DOK3: variants seen among roughly 807,000 people sequenced by gnomAD.
DOK3 encodes the protein Dok-like protein.
Under a neutral mutation model 26.2 loss-of-function variants are expected in DOK3, and 23 were observed. The observed-to-expected ratio is 0.88, with a 90% CI of 0.63 to 1.24. DOK3 has a LOEUF of 1.24. DOK3 is among the 50% of genes most tolerant of loss of function. DOK3 has a pLI of 0.00. For missense variants in DOK3, 619 were observed against 610.6 expected (o/e 1.01, Z -0.15); for synonymous variants, 268 against 268.2 (o/e 1.00, Z 0.01).
rs1400207488 is a variant in DOK3, at chr5:177,503,359, TGAG to T, written c.*621_*623del. On this transcript the variant is annotated 3_prime_UTR_variant, in exon 6 of 6. Coordinates refer to ENST00000510898, the MANE Select transcript of DOK3 (RefSeq NM_001308236.3). ...TCATCGGTTCTCTCTCCTTTACAGATGAGGAGACTGACGCCTGGGGTTCCCAGA... is the reference window on the plus strand; with the variant it reads ...TCATCGGTTCTCTCTCCTTTACAGATGAGACTGACGCCTGGGGTTCCCAGA... The T allele has an allele frequency of 1.5e-5, 23 of 1,544,168 alleles. No homozygotes were observed. Among genetic ancestry groups the T allele is most frequent in the Admixed American group, 2.0e-5 (1 of 50,844 alleles).
At chr5:177,508,165 A>T in intron 3 of DOK3, 72 bp downstream of exon 3, 3 of 1,402,164 alleles carry the variant, frequency 2.1e-6, no homozygotes, top group Non-Finnish European at 2.8e-6. Flanking sequence ...GGGTGATGGG[A>T]TGTGAGCGTG....
upstream of DOK3, chr5:177,510,250 GC>G: frequency 3.5e-6 from 1 of 285,890 alleles, no homozygotes. Context: ...CCCCTCCAGG[GC>G]CCCCTCACCA....
Position 177,503,758 on chromosome 5 carries a change from G to A in DOK3, c.*225C>T, listed in dbSNP as rs1759618312. On this transcript the variant is annotated 3_prime_UTR_variant, in exon 6 of 6. Coordinates refer to ENST00000510898, the MANE Select transcript of DOK3 (RefSeq NM_001308236.3). ...ACGTGGGCAGGGGCGTGTGCCGTGA[G>A]TGCCCCTGCCGGGAGCTGCTCTGAG... is the stretch of plus-strand genomic sequence containing the variant. 5.6e-6 allele frequency: 8 copies of A among 1,417,878 alleles called. No individual in the cohort carries two copies. The highest frequency in any genetic ancestry group is 1.4e-5 in the African/African-American group (1 of 69,360). 87.8% of individuals were successfully genotyped at this position (1,417,878 alleles called of 1,614,324 possible). A position where few individuals can be genotyped will look rare whatever the true frequency, so the allele number is the denominator to read the frequency against.
At position 177,503,040 on chromosome 5, in the gene DOK3, G is replaced by C; in HGVS notation, c.*943C>G. On this transcript the variant is annotated 3_prime_UTR_variant, in exon 6 of 6. Coordinates refer to ENST00000510898, the MANE Select transcript of DOK3 (RefSeq NM_001308236.3). ...AAAATTGTGTGTCCGTCATGAAAAT[G>C]AGGTTCAGGATGTGCCAAGGGTGTG... is the stretch of plus-strand genomic sequence containing the variant. 2 of 1,514,330 alleles carry C rather than the reference G, an allele frequency of 1.3e-6. No homozygotes were observed. Among genetic ancestry groups the C allele is most frequent in the South Asian group, 1.3e-5 (1 of 79,946 alleles). 93.8% of individuals were successfully genotyped at this position (1,514,330 alleles called of 1,614,324 possible). A position where few individuals can be genotyped will look rare whatever the true frequency, so the allele number is the denominator to read the frequency against.
chr5:177,505,247 G>T, intron 3 of DOK3, 137 bp from the exon 4 acceptor site: 1 of 764,568 alleles, frequency 1.3e-6, no homozygotes. Context: ...CCGGCTCGCT[G>T]CATAAGCCTA....
Position 177,504,902 on chromosome 5 carries a change from G to A in DOK3, c.486C>T (p.Pro162=), listed in dbSNP as rs778593028. The A allele has an allele frequency of 1.8e-5, 28 of 1,588,934 alleles. No individual in the cohort carries two copies. The highest frequency in any genetic ancestry group is 6.9e-5 in the Admixed American group (4 of 57,644). ...CGGCCTCAGTCCTCTGCACCACCAC[G>A]GGAAACTCGCCCACTGTGGCAGGTG... ...YSSWQEVGEF[P]VVVQRTEAAT... The change falls in exon 5 of 6, where the codon CCC becomes CCT. Residue 162 remains proline, a synonymous_variant. Coordinates refer to ENST00000510898, the MANE Select transcript of DOK3 (RefSeq NM_001308236.3).
rs904705324 is a variant in DOK3, at chr5:177,504,560, C to G, written c.746G>C (p.Gly249Ala). Residue 249 changes from glycine to alanine, a missense_variant, in exon 6 of 6, where the codon GGG becomes GCG. Physicochemically the swap from Gly to Ala is moderately conservative, Grantham distance 60. Transcript: ENST00000510898. ...CAPDLCRAVA[G>A]AIARQRERLP... ...CCGCTCCCGCTGGCGGGCGATGGCC[C>G]CGGCCACAGCCCTGCACAGGTCAGG... 6.3e-7 allele frequency: 1 copy of G among 1,597,388 alleles called. No individual in the cohort carries two copies. Among genetic ancestry groups the G allele is most frequent in the African/African-American group, 1.3e-5 (1 of 74,738 alleles).
Position 177,503,408 on chromosome 5 carries a change from G to A in DOK3, c.*575C>T, listed in dbSNP as rs982799388. 11 of 1,529,174 alleles carry A rather than the reference G, an allele frequency of 7.2e-6. No individual in the cohort carries two copies. The highest frequency in any genetic ancestry group is 9.7e-6 in the Non-Finnish European group (11 of 1,130,338). The allele number at this position is 1,529,174 out of a possible 1,614,324, so 94.7% of individuals were successfully genotyped here. ...CCAGAAGTATCTGCAAATTGTTGGA[G>A]TTTCAGCAGGGAACAAGTGTTTTGG... On this transcript the variant is annotated 3_prime_UTR_variant, in exon 6 of 6. Transcript: ENST00000510898.
chr5:177,504,318 T>C lies in DOK3; in HGVS notation c.988A>G (p.Lys330Glu). 1 of 1,604,112 alleles carries C rather than the reference T, an allele frequency of 6.2e-7. No individual in the cohort carries two copies. Among genetic ancestry groups the C allele is most frequent in the South Asian group, 1.1e-5 (1 of 89,824 alleles). Reference protein sequence around the residue: ...LASGLYASVCKRASGPPGNEH... With the variant: ...LASGLYASVCERASGPPGNEH... ...TTGCCTGGGGGCCCACTGGCACGCT[T>C]GCACACTGAAGCGTAGAGCCCGGAC... Residue 330 changes from lysine to glutamate, a missense_variant, in exon 6 of 6, where the codon AAG becomes GAG. Transcript: ENST00000510898.
rs372299396 is a variant in DOK3 at position 177,509,609 on chromosome 5, C to T, written c.-69G>A. On this transcript the variant is annotated 5_prime_UTR_variant, in exon 2 of 6. Coordinates refer to ENST00000510898, the MANE Select transcript of DOK3 (RefSeq NM_001308236.3). ...ACTGATGACAGGCTGGACGGGAACT[C>T]CTCACACTTCCCCTTCTGGCCACTT... 6 of 1,598,798 alleles carry T rather than the reference C, an allele frequency of 3.8e-6. No homozygotes were observed. Among genetic ancestry groups the T allele is most frequent in the Non-Finnish European group, 4.3e-6 (5 of 1,171,690 alleles).
At chr5:177,505,791 C>CAGT (rs1268230395) in intron 3 of DOK3, among the ~76,000 whole-genome samples, 2 of 151,796 alleles carry the variant, frequency 1.3e-5, no homozygotes, top group Non-Finnish European at 2.9e-5. Flanking sequence ...GGCTGGAGTG[C>CAGT]AGTGGCGCGA....
chr5:177,509,735 C>T, intron 1 of DOK3, 23 bp downstream of exon 1: 1 of 1,611,558 alleles, frequency 6.2e-7, no homozygotes. Flanking sequence ...GGGGTTCTGG[C>T]TGCCCAAGGT....
chr5:177,510,022 A>G (rs893014244), upstream of DOK3: 7 of 854,144 alleles, frequency 8.2e-6, no homozygotes, highest in African/African-American at 1.2e-4. Flanking sequence ...TCTCCCTGAA[A>G]TCTCTCTCGT....
At chr5:177,508,572 C>G in intron 2 of DOK3, 30 bp from the exon 3 acceptor site, 1 of 1,485,602 alleles carries the variant, frequency 6.7e-7, no homozygotes, top group Non-Finnish European at 9.0e-7. Context: ...GGGTGAAGAC[C>G]CTTGGGTGGC....
Position 177,502,901 on chromosome 5 carries a change from G to C in DOK3, c.*1082C>G. 2 of 692,606 alleles carry C rather than the reference G, an allele frequency of 2.9e-6. No individual in the cohort carries two copies. The highest frequency in any genetic ancestry group is 4.8e-6 in the Non-Finnish European group (2 of 419,948). 42.9% of individuals were successfully genotyped at this position (692,606 alleles called of 1,614,324 possible). A position where few individuals can be genotyped will look rare whatever the true frequency, so the allele number is the denominator to read the frequency against. On this transcript the variant is annotated 3_prime_UTR_variant, in exon 6 of 6. Transcript: ENST00000510898. The stretch of plus-strand genomic sequence containing the variant: ...GGTGGGCAGAGGCCTCGAAGAGCCA[G>C]AAAAGGGTCCCTGCAGGTCGACATG...
At chr5:177,509,205 C>T (rs1246451244) in intron 2 of DOK3, 4 of 424,080 alleles carry the variant, frequency 9.4e-6, no homozygotes, top group African/African-American at 4.2e-5. Flanking sequence ...GAAGCTCTTC[C>T]CTGCTGGGAG....
chr5:177,504,834 C>T lies in DOK3; in HGVS notation c.554G>A (p.Gly185Asp), dbSNP rs751788093. The change falls in exon 5 of 6, where the codon GGC becomes GAC. Residue 185 changes from glycine to aspartate, a missense_variant. Transcript: ENST00000510898. Reference sequence around the variant, plus strand: ...CTCCCTCAGCTGGATGGCGTCTGGGCCCAGCACCAGCAGGGCCGGCCCCTT... The same window carrying T: ...CTCCCTCAGCTGGATGGCGTCTGGGTCCAGCACCAGCAGGGCCGGCCCCTT... ...QLKGPALLVL[G>D]PDAIQLREAK... is the part of the protein sequence containing the mutation. 2 of 1,613,264 alleles carry T rather than the reference C, an allele frequency of 1.2e-6. No individual in the cohort carries two copies.
rs770447953 is a variant in DOK3 at position 177,504,248 on chromosome 5, G to C, written c.1058C>G (p.Thr353Arg). 6.2e-7 allele frequency: 1 copy of C among 1,610,616 alleles called. No individual in the cohort carries two copies. The highest frequency in any genetic ancestry group is 1.3e-5 in the African/African-American group (1 of 74,910). ...CGGCTCAGGTTCCCCACCGTGCAGC[G>C]TGGGGCTGGCCTCCAGCACACACAG... ...ENLCVLEASP[T>R]LHGGEPEPHE... Residue 353 changes from threonine (T) to arginine (R), a missense_variant, in exon 6 of 6, where the codon ACG (threonine) becomes AGG (arginine). Physicochemically the swap from Thr to Arg is moderately conservative, Grantham distance 71. Coordinates refer to ENST00000510898, the MANE Select transcript of DOK3 (RefSeq NM_001308236.3).
chr5:177,509,238 C>G (rs924010986), intron 2 of DOK3: 1 of 502,728 alleles, frequency 2.0e-6, no homozygotes, highest in East Asian at 3.6e-5. Flanking sequence ...GACCCTCTCC[C>G]ACTCCTGTAT....
Sources: allele counts gnomAD v4.1 joint callset (sites outside exome capture counted in the v4.1 genomes callset), GRCh38; gene constraint gnomAD v4.1.1; transcripts MANE v1.5; gene names NCBI Gene and HGNC (gene_info 2026-07-23, HGNC 2026-07-21).